The following PRKD1 variants were observed in gnomAD, a reference collection of about 807,000 sequenced individuals.
The protein encoded by PRKD1 is protein kinase D1, also known as serine/threonine-protein kinase D1.
PRKD1 carries 63 observed loss-of-function variants against 95.9 expected under a neutral mutation model. The observed-to-expected ratio is 0.66, with a 90% CI of 0.54 to 0.81. PRKD1 has a LOEUF of 0.81. Among genes scored for constraint, PRKD1 ranks in the 30% least tolerant of loss-of-function variants. PRKD1 has a pLI of 0.00. For missense variants in PRKD1, 1,048 were observed against 1,165.3 expected (o/e 0.90, Z 1.47); for synonymous variants, 425 against 423.1 (o/e 1.00, Z -0.05).
intron 2 of PRKD1, among the ~76,000 whole-genome samples, chr14:29,687,947 C>T (rs1209986444): frequency 6.6e-6 from 1 of 152,184 alleles, no homozygotes; most frequent in Non-Finnish European, 1.5e-5. Flanking sequence ...CCTACTGCTG[C>T]TACAGCAATA....
At chr14:29,876,674 G>A (rs1407458523) in intron 1 of PRKD1, among the ~76,000 whole-genome samples, 2 of 148,260 alleles carry the variant, frequency 1.3e-5, no homozygotes, top group African/African-American at 2.5e-5. Flanking sequence ...CCAAACTCTA[G>A]TATCTATTTT....
At chr14:29,655,769 G>C (rs903194173) in intron 4 of PRKD1, among the ~76,000 whole-genome samples, 3 of 151,990 alleles carry the variant, frequency 2.0e-5, no homozygotes, top group Non-Finnish European at 4.4e-5. Context: ...TCTGGATTGA[G>C]AGACTGACAT....
At chr14:29,924,839 G>A (rs572331961) in intron 1 of PRKD1, among the ~76,000 whole-genome samples, 1 of 152,100 alleles carries the variant, frequency 6.6e-6, no homozygotes, top group East Asian at 1.9e-4. Context: ...CATTCCTACT[G>A]TCACAACACA....
At chr14:29,782,568 G>C (rs1473417324) in intron 1 of PRKD1, among the ~76,000 whole-genome samples, 6 of 151,870 alleles carry the variant, frequency 4.0e-5, no homozygotes, top group African/African-American at 1.5e-4. Flanking sequence ...GTCTCCTTCT[G>C]TTGCCCAGGC....
chr14:29,664,074 T>G (rs1031201021), intron 3 of PRKD1, among the ~76,000 whole-genome samples: 2 of 152,322 alleles, frequency 1.3e-5, no homozygotes, highest in African/African-American at 2.4e-5. Context: ...TCAGGAACTA[T>G]GCTAGGTATC....
At chr14:29,799,620 T>C (rs1160274026) in intron 1 of PRKD1, among the ~76,000 whole-genome samples, 1 of 152,212 alleles carries the variant, frequency 6.6e-6, no homozygotes, top group Non-Finnish European at 1.5e-5. Flanking sequence ...CAGAGTGTCT[T>C]TGGGGGAGCT....
chr14:29,768,092 C>T (rs757985947), intron 1 of PRKD1, among the ~76,000 whole-genome samples: 2 of 152,152 alleles, frequency 1.3e-5, no homozygotes, highest in Non-Finnish European at 2.9e-5. Flanking sequence ...AAGGATGGAA[C>T]CTTGCTTGCA....
At chr14:29,840,833 C>T (rs1891812272) in intron 1 of PRKD1, among the ~76,000 whole-genome samples, 1 of 152,200 alleles carries the variant, frequency 6.6e-6, no homozygotes, top group African/African-American at 2.4e-5. Context: ...ACGGGAAAGA[C>T]CTGACCCCAT....
intron 1 of PRKD1, among the ~76,000 whole-genome samples, chr14:29,854,521 G>A (rs1029240912): frequency 7.2e-5 from 11 of 152,260 alleles, no homozygotes; most frequent in Admixed American, 1.3e-4. Flanking sequence ...TGCTGTTAAA[G>A]GCACTCAGTT....
At chr14:29,683,886 AAG>A (rs1316741077) in intron 2 of PRKD1, among the ~76,000 whole-genome samples, 4 of 152,244 alleles carry the variant, frequency 2.6e-5, no homozygotes, top group African/African-American at 9.6e-5. Flanking sequence ...TTGGAATTTA[AAG>A]AGTCTGTCCT....
At chr14:29,631,605 T>C (rs1880011367) in intron 9 of PRKD1, among the ~76,000 whole-genome samples, 1 of 151,622 alleles carries the variant, frequency 6.6e-6, no homozygotes. Flanking sequence ...TTTCAAGCAA[T>C]TCTCCTGCCT....
chr14:29,607,706 CT>C (rs1348011848), intron 13 of PRKD1, among the ~76,000 whole-genome samples: 1 of 149,310 alleles, frequency 6.7e-6, no homozygotes, highest in Non-Finnish European at 1.5e-5. Context: ...AGGTACTGTG[CT>C]TTTAGGGGCT....
At chr14:29,739,732 A>C (rs1383047857) in intron 1 of PRKD1, among the ~76,000 whole-genome samples, 1 of 152,174 alleles carries the variant, frequency 6.6e-6, no homozygotes, top group Non-Finnish European at 1.5e-5. Flanking sequence ...AAATATATTG[A>C]TGTTGTGTAT....
In PRKD1 at chr14:29,630,859, CACTGTT is replaced by C; in HGVS notation, c.1549_1554del (p.Asn517_Ser518del). The C allele has an allele frequency of 3.7e-6, 6 of 1,614,136 alleles. No individual in the cohort carries two copies. The highest frequency in any genetic ancestry group is 5.1e-6 in the Non-Finnish European group (6 of 1,180,000). On this transcript the variant is annotated inframe_deletion, in exon 10 of 18. Transcript: ENST00000331968. ...TCTGCACCAACGCCACTGGTGAGAACACTGTTATTTGGTGATGGGCTGGAAGGATTG... is the reference window on the plus strand; with the variant it reads ...TCTGCACCAACGCCACTGGTGAGAACATTTGGTGATGGGCTGGAAGGATTG...
chr14:29,817,196 G>C (rs1434980541), intron 1 of PRKD1, among the ~76,000 whole-genome samples: 1 of 152,098 alleles, frequency 6.6e-6, no homozygotes, highest in Non-Finnish European at 1.5e-5. Flanking sequence ...ACTACAGTGG[G>C]CTTCTGCCAA....
intron 7 of PRKD1, 31 bp downstream of exon 7, chr14:29,636,257 CCT>C (rs1182926428): frequency 1.2e-6 from 2 of 1,612,742 alleles, no homozygotes; most frequent in African/African-American, 2.7e-5. Context: ...CTGGGGTTCC[CCT>C]GTTGGCTGAG....
intron 2 of PRKD1, among the ~76,000 whole-genome samples, chr14:29,717,015 G>T (rs1480887869): frequency 1.3e-5 from 2 of 152,090 alleles, no homozygotes; most frequent in African/African-American, 4.8e-5. Flanking sequence ...GAATTAATCA[G>T]ATGATAATAT....
chr14:29,898,907 A>G (rs1894223547), intron 1 of PRKD1, among the ~76,000 whole-genome samples: 1 of 152,234 alleles, frequency 6.6e-6, no homozygotes, highest in Non-Finnish European at 1.5e-5. Context: ...CTATTTTAGA[A>G]TACAGAAGGC....
At chr14:29,872,672 G>GA (rs935835040) in intron 1 of PRKD1, among the ~76,000 whole-genome samples, 103 of 141,304 alleles carry the variant, frequency 7.3e-4, no homozygotes, top group African/African-American at 2.2e-3. Flanking sequence ...AAAAAAAAAA[G>GA]AAAAAAAAAA....
Sources: gnomAD v4.1 joint callset for allele counts (sites outside exome capture counted in the v4.1 genomes callset) on GRCh38, gnomAD v4.1.1 for gene constraint, MANE v1.5 for transcripts, NCBI Gene and HGNC (gene_info 2026-07-23, HGNC 2026-07-21) for gene names.